Variants in DNAJC3 observed in about 807,000 individuals in gnomAD.
The protein encoded by DNAJC3 is dnaJ homolog subfamily C member 3.
In DNAJC3, 38 loss-of-function variants were observed where a neutral mutation model predicts 68.6. The observed-to-expected ratio is 0.55, with a 90% confidence interval of 0.43 to 0.73. The LOEUF (loss-of-function observed/expected upper bound fraction) is 0.73. Ranked by LOEUF, DNAJC3 falls within the 30% of genes least tolerant of loss-of-function variation. DNAJC3 has a pLI of 0.00. For synonymous variants in DNAJC3, 203 were observed against 204.0 expected (o/e 1.00, Z 0.04); for missense variants, 526 against 591.9 (o/e 0.89, Z 1.16).
chr13:95,719,384 C>T (rs1193834828), intron 2 of DNAJC3, among the ~76,000 whole-genome samples: 1 of 152,114 alleles, frequency 6.6e-6, no homozygotes, highest in African/African-American at 2.4e-5. Context: ...TTCAACAACC[C>T]GAGGCTTTAT....
At chr13:95,740,069 C>T (rs1882073634) in intron 4 of DNAJC3, among the ~76,000 whole-genome samples, 1 of 152,070 alleles carries the variant, frequency 6.6e-6, no homozygotes, top group Non-Finnish European at 1.5e-5. Flanking sequence ...GAATACCCTG[C>T]CGTGTGAGGT....
intron 11 of DNAJC3, among the ~76,000 whole-genome samples, chr13:95,787,771 T>C (rs965565899): frequency 1.4e-4 from 21 of 152,246 alleles, no homozygotes; most frequent in Non-Finnish European, 2.6e-4. Flanking sequence ...CCCAAAGTTC[T>C]GAGATTACAG....
intron 9 of DNAJC3, among the ~76,000 whole-genome samples, chr13:95,776,294 G>A (rs891414353): frequency 2.6e-5 from 4 of 152,140 alleles, no homozygotes. Context: ...TTTATGTATA[G>A]TAAACTATTA....
chr13:95,727,991 C>G (rs145404579), intron 4 of DNAJC3, among the ~76,000 whole-genome samples: 2 of 152,292 alleles, frequency 1.3e-5, no homozygotes, highest in African/African-American at 4.8e-5. Context: ...TCTTACATAA[C>G]TGGAATCAAA....
At chr13:95,740,412 C>G (rs1336396745) in intron 4 of DNAJC3, among the ~76,000 whole-genome samples, 2 of 151,508 alleles carry the variant, frequency 1.3e-5, no homozygotes, top group Non-Finnish European at 2.9e-5. Context: ...CCCCCAGCCT[C>G]GCTGCCGCCT....
At chr13:95,788,961 C>G (rs1883681359) in intron 11 of DNAJC3, among the ~76,000 whole-genome samples, 1 of 152,134 alleles carries the variant, frequency 6.6e-6, no homozygotes. Context: ...GGTGGGTTTC[C>G]TCCTCCTAAA....
In DNAJC3 at chr13:95,781,946, CCT is replaced by C. The variant is rs565842367; in HGVS notation, c.1076-3991_1076-3990del. Reference sequence around the variant, plus strand: ...ATTAGGTATTTCTCCTAATGCTATCCCTCCCCCAGCCCCCTACCTCCCCACGG... The same window carrying C: ...ATTAGGTATTTCTCCTAATGCTATCCCCCCCAGCCCCCTACCTCCCCACGG... On this transcript the variant is annotated intron_variant, in intron 9 of 11. Transcript: ENST00000602402. Among the ~76,000 whole-genome samples the C allele has an allele frequency of 4.1e-4, 63 of 152,154 alleles. No homozygotes were observed. In the South Asian group the frequency reaches 6.9e-3, roughly 17 times the overall value.
chr13:95,791,012 TAAATTC>T lies in DNAJC3; in HGVS notation c.1498_1503del (p.Lys500_Phe501del). ...TCAGCTCAGGCGGACCATTTAGATT[TAAATTC>T]CACTTCAATTAAACCAACTGTTTTT... On this transcript the variant is annotated inframe_deletion, in exon 12 of 12. Coordinates refer to ENST00000602402, the MANE Select transcript of DNAJC3 (RefSeq NM_006260.5). The T allele has an allele frequency of 6.2e-7, 1 of 1,613,808 alleles. No homozygotes were observed. The highest frequency in any genetic ancestry group is 8.5e-7 in the Non-Finnish European group (1 of 1,179,928).
chr13:95,693,735 A>T (rs1019898361), intron 1 of DNAJC3: 2 of 115,964 alleles, frequency 1.7e-5, no homozygotes, highest in African/African-American at 7.4e-5. Context: ...CATTACAGAC[A>T]TTCAACTTCT....
At chr13:95,702,932 T>A (rs1336528504) in intron 1 of DNAJC3, among the ~76,000 whole-genome samples, 2 of 152,224 alleles carry the variant, frequency 1.3e-5, no homozygotes, top group African/African-American at 4.8e-5. Flanking sequence ...CACTCAATAT[T>A]CAGTTATATA....
intron 9 of DNAJC3, among the ~76,000 whole-genome samples, chr13:95,769,420 A>G (rs1320651916): frequency 1.3e-5 from 2 of 152,226 alleles, no homozygotes; most frequent in Non-Finnish European, 2.9e-5. Context: ...TGCTGATTGT[A>G]TTTAAGATCC....
chr13:95,786,523 C>T (rs1566518301), intron 10 of DNAJC3, among the ~76,000 whole-genome samples: 1 of 152,150 alleles, frequency 6.6e-6, no homozygotes, highest in Non-Finnish European at 1.5e-5. Context: ...CTCCCAGTGC[C>T]TGTGGGTGAA....
intron 1 of DNAJC3, among the ~76,000 whole-genome samples, chr13:95,685,105 G>A (rs112466479): frequency 0.03 from 4,596 of 152,336 alleles, 241 homozygotes; most frequent in African/African-American, 0.11. Context: ...TGGTAGATCC[G>A]CTGACAGCTT....
intron 1 of DNAJC3, chr13:95,693,974 T>G (rs1880356080): frequency 1.3e-5 from 2 of 152,162 alleles, no homozygotes; most frequent in African/African-American, 4.8e-5. Context: ...CTCTTAATTA[T>G]CTACTCTATT....
intron 4 of DNAJC3, among the ~76,000 whole-genome samples, chr13:95,749,558 A>G (rs975184681): frequency 6.6e-6 from 1 of 152,152 alleles, no homozygotes; most frequent in Non-Finnish European, 1.5e-5. Flanking sequence ...GATTGAAGAG[A>G]TTGATGGGGA....
rs1291976047 is a variant in DNAJC3, at chr13:95,791,045, T to C, written c.*15T>C. The C allele has an allele frequency of 3.7e-6, 6 of 1,610,740 alleles. No homozygotes were observed. The highest frequency in any genetic ancestry group is 5.1e-6 in the Non-Finnish European group (6 of 1,179,214). ...ACTTCAATTAAACCAACTGTTTTTCTGCTCTTCTTAATTTTTTTAAAGATT... is the reference window on the plus strand; with the variant it reads ...ACTTCAATTAAACCAACTGTTTTTCCGCTCTTCTTAATTTTTTTAAAGATT... On this transcript the variant is annotated 3_prime_UTR_variant, in exon 12 of 12. Transcript: ENST00000602402.
At chr13:95,704,063 TAG>T (rs1164323072) in intron 1 of DNAJC3, among the ~76,000 whole-genome samples, 1 of 152,190 alleles carries the variant, frequency 6.6e-6, no homozygotes, top group Non-Finnish European at 1.5e-5. Context: ...TTCCAACTAG[TAG>T]ATTAACCAAT....
chr13:95,722,206 G>C lies in DNAJC3; in HGVS notation c.194-1036G>C, dbSNP rs566988556. On this transcript the variant is annotated intron_variant, in intron 2 of 11. Transcript: ENST00000602402. ...ATTAGCTCGGAAACCTAATTCATCTGTCTGCTTTCCTTACAAATGTTAACT... is the reference window on the plus strand; with the variant it reads ...ATTAGCTCGGAAACCTAATTCATCTCTCTGCTTTCCTTACAAATGTTAACT... Among the ~76,000 whole-genome samples the C allele has an allele frequency of 6.6e-5, 10 of 152,256 alleles. No homozygotes were observed. The South Asian group carries it at 1.0e-3, about 16-fold the overall frequency.
chr13:95,691,608 C>T (rs913888335), intron 1 of DNAJC3, among the ~76,000 whole-genome samples: 43 of 149,534 alleles, frequency 2.9e-4, no homozygotes, highest in African/African-American at 9.4e-4. Flanking sequence ...ACATCCCAGA[C>T]GATGGGCGGC....
Sources: allele counts gnomAD v4.1 joint callset (sites outside exome capture counted in the v4.1 genomes callset), GRCh38; gene constraint gnomAD v4.1.1; transcripts MANE v1.5; gene names NCBI Gene and HGNC (gene_info 2026-07-23, HGNC 2026-07-21).